SYN3: variants seen among roughly 807,000 people sequenced by gnomAD.
SYN3 encodes synapsin-3.
Under a neutral mutation model 65.8 loss-of-function variants are expected in SYN3, and 35 were observed. The ratio of observed to expected loss-of-function variants is 0.53; its 90% CI spans 0.41 to 0.70. The LOEUF (loss-of-function observed/expected upper bound fraction) is 0.70, where lower values mean the gene tolerates loss of function less well. SYN3 is among the 30% of genes least tolerant of loss of function. The probability of loss-of-function intolerance (pLI) is 0.00; values close to 1 mark genes in which losing one functional copy is unlikely to be tolerated. For missense variants in SYN3, 680 were observed against 749.0 expected (o/e 0.91, Z 1.08); for synonymous variants, 270 against 292.9 (o/e 0.92, Z 0.80).
chr22:32,858,204 C>T, intron 6 of SYN3: 5 of 1,598,760 alleles, frequency 3.1e-6, no homozygotes, highest in Non-Finnish European at 4.3e-6. Flanking sequence ...AACATCAGCT[C>T]CCAATGCACT....
At chr22:33,021,605 C>T (rs556886282) in intron 1 of SYN3, among the ~76,000 whole-genome samples, 1 of 152,290 alleles carries the variant, frequency 6.6e-6, no homozygotes, top group Admixed American at 6.5e-5. Flanking sequence ...GTTCCTTCAT[C>T]TGGAACTCTC....
chr22:32,957,014 T>C (rs528300149), intron 3 of SYN3, among the ~76,000 whole-genome samples: 33 of 151,908 alleles, frequency 2.2e-4, no homozygotes, highest in Middle Eastern at 3.4e-3. Context: ...GCCAGGAAAA[T>C]AGGGTCAGGA....
chr22:32,748,923 G>T (rs2045025098), intron 6 of SYN3, among the ~76,000 whole-genome samples: 1 of 152,128 alleles, frequency 6.6e-6, no homozygotes, highest in Admixed American at 6.5e-5. Flanking sequence ...ATACTTTTGG[G>T]TTCTGTTTCC....
intron 6 of SYN3, chr22:32,858,263 C>G (rs1176210736): frequency 3.7e-6 from 5 of 1,365,512 alleles, no homozygotes; most frequent in African/African-American, 1.4e-5. Flanking sequence ...TAGGCCAGGG[C>G]AGAGGGGCAG....
intron 6 of SYN3, among the ~76,000 whole-genome samples, chr22:32,670,479 G>A (rs2147059805): frequency 6.6e-6 from 1 of 152,282 alleles, no homozygotes; most frequent in Non-Finnish European, 1.5e-5. Context: ...CAGAGATGAC[G>A]CTGGGTCTCT....
chr22:32,716,734 G>GCTCGAATTC (rs2061044092), intron 6 of SYN3, among the ~76,000 whole-genome samples: 2 of 152,032 alleles, frequency 1.3e-5, no homozygotes, highest in Non-Finnish European at 2.9e-5. Context: ...TGTTGCCCAG[G>GCTCGAATTC]CTGGTCTCGA....
At chr22:33,017,594 T>G (rs1427256682) in intron 1 of SYN3, among the ~76,000 whole-genome samples, 3 of 152,240 alleles carry the variant, frequency 2.0e-5, no homozygotes, top group African/African-American at 4.8e-5. Context: ...CCTCCTTGGT[T>G]AAATTTACTC....
intron 3 of SYN3, among the ~76,000 whole-genome samples, chr22:32,975,894 T>C (rs1293788542): frequency 6.6e-6 from 1 of 152,204 alleles, no homozygotes; most frequent in Non-Finnish European, 1.5e-5. Context: ...TGAATTAACA[T>C]CCAACTTACA....
intron 6 of SYN3, among the ~76,000 whole-genome samples, chr22:32,855,025 G>C (rs1015058670): frequency 1.3e-5 from 2 of 152,182 alleles, no homozygotes; most frequent in African/African-American, 2.4e-5. Flanking sequence ...AGAGATGTCT[G>C]GCTTTGTATT....
chr22:32,869,167 T>G (rs369361793), intron 4 of SYN3, 42 bp from the exon 5 acceptor site: 3 of 1,593,420 alleles, frequency 1.9e-6, no homozygotes, highest in Non-Finnish European at 2.6e-6. Context: ...GGGACATTGA[T>G]GAAACACCAG....
intron 6 of SYN3, among the ~76,000 whole-genome samples, chr22:32,639,894 G>T (rs2059871744): frequency 6.6e-6 from 1 of 152,148 alleles, no homozygotes; most frequent in Non-Finnish European, 1.5e-5. Flanking sequence ...GCACTGAATT[G>T]GATGACACTT....
chr22:32,984,161 CAAAA>C (rs35678412), intron 2 of SYN3, among the ~76,000 whole-genome samples: 5 of 93,002 alleles, frequency 5.4e-5, no homozygotes, highest in Non-Finnish European at 8.3e-5. Flanking sequence ...AAACTCCATC[CAAAA>C]AAAAAAAAAA....
intron 6 of SYN3, among the ~76,000 whole-genome samples, chr22:32,719,855 AAG>A (rs998338233): frequency 6.6e-6 from 1 of 152,038 alleles, no homozygotes; most frequent in African/African-American, 2.4e-5. Flanking sequence ...AAAACAAAAA[AAG>A]AGAGAGAGAG....
At chr22:32,748,259 C>T (rs949048849) in intron 6 of SYN3, among the ~76,000 whole-genome samples, 28 of 152,240 alleles carry the variant, frequency 1.8e-4, no homozygotes, top group African/African-American at 5.8e-4. Flanking sequence ...ACTTATAATT[C>T]TTCATTCAAG....
At chr22:32,992,787 T>C (rs1214045887) in intron 2 of SYN3, among the ~76,000 whole-genome samples, 1 of 152,132 alleles carries the variant, frequency 6.6e-6, no homozygotes, top group East Asian at 1.9e-4. Flanking sequence ...CACTCCAGCC[T>C]GGGTGACATA....
intron 6 of SYN3, among the ~76,000 whole-genome samples, chr22:32,716,738 GT>G (rs2061044197): frequency 1.3e-5 from 2 of 152,056 alleles, no homozygotes; most frequent in Non-Finnish European, 2.9e-5. Context: ...GCCCAGGCTG[GT>G]CTCGAATTCC....
intron 8 of SYN3, among the ~76,000 whole-genome samples, chr22:32,538,767 C>T (rs966689292): frequency 3.3e-5 from 5 of 152,170 alleles, no homozygotes; most frequent in African/African-American, 1.2e-4. Flanking sequence ...GACAGCCCAC[C>T]TTTACACAGC....
intron 3 of SYN3, among the ~76,000 whole-genome samples, chr22:32,949,657 T>C (rs1433531717): frequency 2.0e-5 from 3 of 152,182 alleles, no homozygotes; most frequent in African/African-American, 7.2e-5. Context: ...AAGAAGGTAA[T>C]GCCAAGCAGA....
chr22:32,899,024 C>T (rs1296927463), intron 4 of SYN3, among the ~76,000 whole-genome samples: 5 of 151,172 alleles, frequency 3.3e-5, no homozygotes, highest in South Asian at 2.1e-4. Context: ...ATCGCTTGAA[C>T]CAGGAAGTCG....
Sources: allele counts gnomAD v4.1 joint callset (sites outside exome capture counted in the v4.1 genomes callset), GRCh38; gene constraint gnomAD v4.1.1; transcripts MANE v1.5; gene names NCBI Gene and HGNC (gene_info 2026-07-23, HGNC 2026-07-21).